The following ARGLU1 variants were observed in gnomAD, a reference collection of about 807,000 sequenced individuals.
ARGLU1 encodes arginine and glutamate-rich protein 1.
Under a neutral mutation model 37.6 loss-of-function variants are expected in ARGLU1, and 9 were observed. The observed-to-expected ratio is 0.24, with a 90% CI of 0.14 to 0.42. The LOEUF (loss-of-function observed/expected upper bound fraction) is 0.42. Among genes scored for constraint, ARGLU1 ranks in the 10% least tolerant of loss-of-function variants. The probability of loss-of-function intolerance (pLI) is 1.00; values close to 1 mark genes in which losing one functional copy is unlikely to be tolerated. For synonymous variants in ARGLU1, 166 were observed against 138.5 expected (o/e 1.20, Z -1.39); for missense variants, 211 against 359.2 (o/e 0.59, Z 3.34).
chr13:106,558,299 AAT>A, intron 2 of ARGLU1: 1 of 984,890 alleles, frequency 1.0e-6, no homozygotes, highest in East Asian at 1.1e-4. Flanking sequence ...ACCCACTATA[AAT>A]ATAAGCATGT....
chr13:106,545,156 G>A (rs1880359502), intron 3 of ARGLU1, among the ~76,000 whole-genome samples: 1 of 152,156 alleles, frequency 6.6e-6, no homozygotes, highest in African/African-American at 2.4e-5. Flanking sequence ...GCATCTAGTG[G>A]GTGGAAGACT....
chr13:106,557,654 G>T lies in ARGLU1; in HGVS notation c.574-523C>A. The T allele has an allele frequency of 6.4e-7, 1 of 1,573,458 alleles. No individual in the cohort carries two copies. Among genetic ancestry groups the T allele is most frequent in the Admixed American group, 1.9e-5 (1 of 54,000 alleles). On this transcript the variant is annotated intron_variant, in intron 2 of 3. Coordinates refer to ENST00000400198, the MANE Select transcript of ARGLU1 (RefSeq NM_018011.4). The surrounding 1 kb of genome is among the most constrained non-coding windows in gnomAD (Gnocchi z 5.0). ...TTGTACTGTTAGCTTGGCAATACCT[G>T]CATCAGCAGCTCAACCATTTATAAA...
At chr13:106,554,186 T>C (rs1880601511) in intron 3 of ARGLU1, among the ~76,000 whole-genome samples, 1 of 152,218 alleles carries the variant, frequency 6.6e-6, no homozygotes, top group South Asian at 2.1e-4. Context: ...TTTTTGGAGT[T>C]GTCTTTGTTT....
intron 3 of ARGLU1, among the ~76,000 whole-genome samples, chr13:106,545,551 T>G (rs144119373): frequency 6.6e-6 from 1 of 152,190 alleles, no homozygotes; most frequent in Non-Finnish European, 1.5e-5. Flanking sequence ...ACTTCTTTTG[T>G]CTCCATTGAT....
At position 106,544,034 on chromosome 13, in the gene ARGLU1, T is replaced by G. The variant is rs1316328316; in HGVS notation, c.784A>C (p.Arg262=). 4 of 1,600,400 alleles carry G rather than the reference T, an allele frequency of 2.5e-6. No homozygotes were observed. In the African/African-American group the frequency reaches 4.1e-5, roughly 16 times the overall value. ...TTTAATGAGAAGGACAGTTTTGGCC[T>G]GGACTTCCCCTTGCCCAGGATAATT... is the stretch of plus-strand genomic sequence containing the variant. The part of the protein sequence containing the change: ...QKIILGKGKS[R]PKLSFSLKTQ... Residue 262 remains arginine, a synonymous_variant, in exon 4 of 4, where the codon AGG becomes CGG. Transcript: ENST00000400198.
intron 3 of ARGLU1, among the ~76,000 whole-genome samples, chr13:106,556,824 C>T (rs1040247034): frequency 7.2e-5 from 11 of 152,090 alleles, no homozygotes; most frequent in Admixed American, 2.0e-4. Flanking sequence ...ATAATTTCCC[C>T]AGAAAACTTG....
intron 3 of ARGLU1, among the ~76,000 whole-genome samples, chr13:106,545,770 A>T (rs887840238): frequency 3.3e-5 from 5 of 152,230 alleles, no homozygotes; most frequent in Non-Finnish European, 5.9e-5. Context: ...ACCGCAGTCA[A>T]GTAAGGTTGG....
At chr13:106,549,777 T>C (rs1283686758) in intron 3 of ARGLU1, among the ~76,000 whole-genome samples, 1 of 152,164 alleles carries the variant, frequency 6.6e-6, no homozygotes, top group African/African-American at 2.4e-5. Context: ...TTAGATAATA[T>C]CTCCATGGAT....
At position 106,542,398 on chromosome 13, in the gene ARGLU1, T is replaced by C. The variant is rs1406667049; in HGVS notation, c.*1598A>G. ...TATATTCTTTAGGAAAATAAAATGT[T>C]TGATTTTAGAGTAAGTAGTATGTTT... On this transcript the variant is annotated 3_prime_UTR_variant, in exon 4 of 4. Coordinates refer to ENST00000400198, the MANE Select transcript of ARGLU1 (RefSeq NM_018011.4). The C allele has an allele frequency of 6.6e-6, 1 of 152,114 alleles. No individual in the cohort carries two copies. Among genetic ancestry groups the C allele is most frequent in the East Asian group, 1.9e-4 (1 of 5,194 alleles). 9.4% of individuals were successfully genotyped at this position (152,114 alleles called of 1,614,324 possible).
At chr13:106,549,301 C>T (rs1880474791) in intron 3 of ARGLU1, among the ~76,000 whole-genome samples, 1 of 152,096 alleles carries the variant, frequency 6.6e-6, no homozygotes, top group Non-Finnish European at 1.5e-5. Flanking sequence ...AGAAACTATG[C>T]CACTATTCAG....
intron 3 of ARGLU1, among the ~76,000 whole-genome samples, chr13:106,549,098 T>A (rs1431617204): frequency 6.6e-6 from 1 of 152,212 alleles, no homozygotes; most frequent in African/African-American, 2.4e-5. Context: ...TTATAAAGAT[T>A]ACCTTCCTAA....
chr13:106,556,730 A>T (rs931932225), intron 3 of ARGLU1, among the ~76,000 whole-genome samples: 1 of 152,222 alleles, frequency 6.6e-6, no homozygotes, highest in African/African-American at 2.4e-5. Flanking sequence ...TATACCCCCA[A>T]GCTTTTGTTG....
At chr13:106,556,591 A>G (rs971046056) in intron 3 of ARGLU1, among the ~76,000 whole-genome samples, 3 of 152,034 alleles carry the variant, frequency 2.0e-5, no homozygotes, top group African/African-American at 7.3e-5. Flanking sequence ...AAGACTCTGT[A>G]TTTCTTAAGA....
At position 106,544,158 on chromosome 13, in the gene ARGLU1, G is replaced by T; in HGVS notation, c.660C>A (p.Ala220=). ...RKIAEAQAKL[A]EEQLRIVEEQ... is the part of the protein sequence containing the mutation. ...CTTCAACAATTCTCAACTGTTCTTC[G>T]GCCTGAAAGTTAAAAGTAAAAATTA... The change falls in exon 4 of 4, where the codon GCC becomes GCA. Residue 220 remains alanine, a splice_region_variant and synonymous_variant. Transcript: ENST00000400198. 1 of 1,544,472 alleles carries T rather than the reference G, an allele frequency of 6.5e-7. No individual in the cohort carries two copies. The highest frequency in any genetic ancestry group is 8.7e-7 in the Non-Finnish European group (1 of 1,155,112).
In ARGLU1 at chr13:106,542,611, C is replaced by A. The variant is rs1232189233; in HGVS notation, c.*1385G>T. 1 of 152,008 alleles carries A rather than the reference C, an allele frequency of 6.6e-6. No homozygotes were observed. The highest frequency in any genetic ancestry group is 2.4e-5 in the African/African-American group (1 of 41,400). 9.4% of individuals were successfully genotyped at this position (152,008 alleles called of 1,614,324 possible). ...TAGTCATCTCTTTAGCTTATGTTTT[C>A]AATTTTTAAGAATAATCAAACTGTC... On this transcript the variant is annotated 3_prime_UTR_variant, in exon 4 of 4. Coordinates refer to ENST00000400198, the MANE Select transcript of ARGLU1 (RefSeq NM_018011.4).
chr13:106,558,121 T>TA lies in ARGLU1; in HGVS notation c.574-991dup, dbSNP rs796175777. 5.4e-3 allele frequency: 5,108 copies of TA among 937,946 alleles called. 8 individuals carry two copies. The highest frequency in any genetic ancestry group is 0.014 in the African/African-American group (788 of 55,226). The allele number at this position is 937,946 out of a possible 1,614,324, so 58.1% of individuals were successfully genotyped here. On this transcript the variant is annotated intron_variant, in intron 2 of 3. Transcript: ENST00000400198. ...AGACTGTCAGAGGGTTGTGTCCGTGTAAAAAAAAAATTGTTAATATGAAAC... is the reference window on the plus strand; with the variant it reads ...AGACTGTCAGAGGGTTGTGTCCGTGTAAAAAAAAAAATTGTTAATATGAAAC...
intron 1 of ARGLU1, among the ~76,000 whole-genome samples, chr13:106,566,426 A>G (rs1267027121): frequency 6.6e-6 from 1 of 152,240 alleles, no homozygotes; most frequent in Non-Finnish European, 1.5e-5. Context: ...AAAATCATAA[A>G]TTCAGTAACG....
At position 106,553,404 on chromosome 13, in the gene ARGLU1, T is replaced by A. The variant is rs183725321; in HGVS notation, c.657+3644A>T. Among the ~76,000 whole-genome samples, 481 of 152,330 alleles carry A rather than the reference T, an allele frequency of 3.2e-3. 2 individuals are homozygous for A. The highest frequency in any genetic ancestry group is 5.2e-3 in the Non-Finnish European group (351 of 68,010). On this transcript the variant is annotated intron_variant, in intron 3 of 3. Coordinates refer to ENST00000400198, the MANE Select transcript of ARGLU1 (RefSeq NM_018011.4). ...CTTGGACATTTCTATTTTAAATAAT[T>A]TGAGAGTATCTTTGTACATAAATTC...
At chr13:106,545,763 G>A (rs968096557) in intron 3 of ARGLU1, among the ~76,000 whole-genome samples, 10 of 152,176 alleles carry the variant, frequency 6.6e-5, no homozygotes, top group Admixed American at 2.0e-4. Flanking sequence ...CAAATCAACC[G>A]CAGTCAAGTA....
Sources: allele counts gnomAD v4.1 joint callset (sites outside exome capture counted in the v4.1 genomes callset), GRCh38; gene constraint gnomAD v4.1.1; non-coding constraint Gnocchi (gnomAD v3.1); transcripts MANE v1.5; gene names NCBI Gene and HGNC (gene_info 2026-07-23, HGNC 2026-07-21).